Variants in NLGN1 observed in about 807,000 individuals in gnomAD.
NLGN1 encodes neuroligin 1, also known as neuroligin-1.
Under a neutral mutation model 65.5 loss-of-function variants are expected in NLGN1, and 12 were observed. The observed-to-expected ratio is 0.18, with a 90% CI of 0.12 to 0.30. The LOEUF (loss-of-function observed/expected upper bound fraction) is 0.30. Among genes scored for constraint, NLGN1 ranks in the 10% least tolerant of loss-of-function variants. The pLI is 1.00. For synonymous variants in NLGN1, 350 were observed against 359.5 expected (o/e 0.97, Z 0.30); for missense variants, 750 against 1,007.1 (o/e 0.74, Z 3.46).
intron 3 of NLGN1, among the ~76,000 whole-genome samples, chr3:173,774,877 T>C (rs1780076548): frequency 1.3e-5 from 2 of 152,042 alleles, no homozygotes; most frequent in South Asian, 4.2e-4. Flanking sequence ...CAGTTTAACA[T>C]AGAGTGTTTT....
At chr3:173,486,634 G>C (rs2148990330) in intron 2 of NLGN1, among the ~76,000 whole-genome samples, 1 of 152,210 alleles carries the variant, frequency 6.6e-6, no homozygotes, top group South Asian at 2.1e-4. Flanking sequence ...CACCTCTTAG[G>C]ACAGGCATTA....
At chr3:173,976,348 A>G (rs1203213968) in intron 4 of NLGN1, among the ~76,000 whole-genome samples, 40 of 152,194 alleles carry the variant, frequency 2.6e-4, no homozygotes, top group Non-Finnish European at 7.4e-5. Flanking sequence ...ACAACAATGA[A>G]TGTACTATGG....
rs200552646 is a variant in NLGN1 at position 174,088,524 on chromosome 3, AG to A, written c.647-186789del. ...GTAATCCCAGCACTTTGGGAGGCTG[AG>A]GCAGGCGGATCACGAGGTCGGGAGA... On this transcript the variant is annotated intron_variant, in intron 4 of 6. Coordinates refer to ENST00000457714, the Ensembl canonical transcript of NLGN1. 1.2e-3 allele frequency among the ~76,000 whole-genome samples: 188 copies of A among 152,228 alleles called. 6 individuals are homozygous for A. In the East Asian group the frequency reaches 0.035, roughly 28 times the overall value.
intron 3 of NLGN1, among the ~76,000 whole-genome samples, chr3:173,691,767 A>G (rs549751735): frequency 6.6e-6 from 1 of 152,190 alleles, no homozygotes; most frequent in South Asian, 2.1e-4. Context: ...TCTAAATGTT[A>G]CTGAACAGCT....
intron 2 of NLGN1, among the ~76,000 whole-genome samples, chr3:173,445,246 C>A (rs570868111): frequency 1.7e-5 from 2 of 119,562 alleles, no homozygotes; most frequent in South Asian, 2.7e-4. Context: ...CCAGCCTGGG[C>A]GACAGAGCGA....
At chr3:174,089,302 TG>T (rs1576811615) in intron 4 of NLGN1, among the ~76,000 whole-genome samples, 1 of 152,204 alleles carries the variant, frequency 6.6e-6, no homozygotes, top group East Asian at 1.9e-4. Context: ...ATATTTTCTC[TG>T]GAAACTTATC....
At chr3:173,662,284 G>A (rs1398945386) in intron 3 of NLGN1, among the ~76,000 whole-genome samples, 2 of 151,922 alleles carry the variant, frequency 1.3e-5, no homozygotes, top group East Asian at 3.9e-4. Flanking sequence ...CAGTAATAAT[G>A]AACTGAGACT....
In NLGN1 at chr3:174,154,170, C is replaced by T. The variant is rs1724909408; in HGVS notation, c.647-121145C>T. On this transcript the variant is annotated intron_variant, in intron 4 of 6. Coordinates refer to ENST00000457714, the Ensembl canonical transcript of NLGN1. ...CATTCTTTAAGAATAGCATTTTTTT[C>T]TTCTCAAAGTTGACGTCAGCAGAAG... Among the ~76,000 whole-genome samples, 3 of 151,776 alleles carry T rather than the reference C, an allele frequency of 2.0e-5. No individual in the cohort carries two copies. The South Asian group carries it at 6.2e-4, about 31-fold the overall frequency.
intron 4 of NLGN1, among the ~76,000 whole-genome samples, chr3:174,120,008 T>G (rs550290018): frequency 1.4e-4 from 22 of 152,330 alleles, no homozygotes; most frequent in East Asian, 5.8e-4. Flanking sequence ...ACCACTGATA[T>G]AGATGCTTAA....
chr3:173,849,858 G>A (rs548762461), intron 4 of NLGN1, among the ~76,000 whole-genome samples: 17 of 152,094 alleles, frequency 1.1e-4, no homozygotes, highest in Non-Finnish European at 1.5e-4. Flanking sequence ...ATAGATAAAT[G>A]TGTTCTTTCA....
chr3:173,418,313 G>A (rs1347922614), intron 1 of NLGN1, among the ~76,000 whole-genome samples: 2 of 147,988 alleles, frequency 1.4e-5, no homozygotes, highest in Admixed American at 6.9e-5. Flanking sequence ...TCTTTTTTCT[G>A]TTAACTATGA....
chr3:173,617,922 T>A (rs1022876440), intron 3 of NLGN1, among the ~76,000 whole-genome samples: 7 of 152,164 alleles, frequency 4.6e-5, no homozygotes, highest in African/African-American at 1.2e-4. Context: ...CTTCTAATTA[T>A]TTTCTTTTTT....
intron 4 of NLGN1, among the ~76,000 whole-genome samples, chr3:174,036,462 G>A (rs1027909974): frequency 2.0e-5 from 3 of 151,998 alleles, no homozygotes; most frequent in Non-Finnish European, 4.4e-5. Flanking sequence ...TATTACACAT[G>A]AGAAACTTTA....
At chr3:173,634,644 A>AT (rs1374790043) in intron 3 of NLGN1, among the ~76,000 whole-genome samples, 2 of 152,194 alleles carry the variant, frequency 1.3e-5, no homozygotes, top group African/African-American at 4.8e-5. Flanking sequence ...TTGAAAATGT[A>AT]TTTTTAAATG....
At chr3:173,936,733 A>G (rs945361153) in intron 4 of NLGN1, among the ~76,000 whole-genome samples, 3 of 152,088 alleles carry the variant, frequency 2.0e-5, no homozygotes, top group African/African-American at 4.8e-5. Context: ...CTGTTACAAC[A>G]TTATAGCCGG....
intron 4 of NLGN1, among the ~76,000 whole-genome samples, chr3:174,011,981 G>T (rs1725650271): frequency 6.6e-6 from 1 of 152,092 alleles, no homozygotes; most frequent in Admixed American, 6.6e-5. Context: ...CTTTCAAATA[G>T]CAAATTTTGA....
rs749749824 is a variant in NLGN1, at chr3:173,747,801, C to CTTTTTTTTTTTTTTTTTTTT, written c.494-59868_494-59849dup. ...AATTTTCTTTCTTCTTCTTCTTGTT[C>CTTTTTTTTTTTTTTTTTTTT]TTTTTTTTTTTTTTTTTTTTTTTTT... On this transcript the variant is annotated intron_variant, in intron 3 of 6. Coordinates refer to ENST00000457714, the Ensembl canonical transcript of NLGN1. 8.2e-4 allele frequency among the ~76,000 whole-genome samples: 53 copies of CTTTTTTTTTTTTTTTTTTTT among 64,424 alleles called. 12 individuals carry two copies. The highest frequency in any genetic ancestry group is 2.0e-3 in the African/African-American group (32 of 16,098). The allele number at this position is 64,424 out of a possible 152,430, so 42.3% of individuals were successfully genotyped here. A position where few individuals can be genotyped will look rare whatever the true frequency, so the allele number is the denominator to read the frequency against.
At chr3:173,669,702 G>GT (rs1762207034) in intron 3 of NLGN1, among the ~76,000 whole-genome samples, 2 of 152,194 alleles carry the variant, frequency 1.3e-5, no homozygotes, top group East Asian at 1.9e-4. Flanking sequence ...TTACAATATT[G>GT]TTTTTTCTAA....
intron 4 of NLGN1, among the ~76,000 whole-genome samples, chr3:174,184,192 C>T (rs1430009630): frequency 6.6e-6 from 1 of 151,924 alleles, no homozygotes. Flanking sequence ...AAAAGACTGT[C>T]ATTTATACTG....
Sources: allele counts gnomAD v4.1 joint callset (sites outside exome capture counted in the v4.1 genomes callset), GRCh38; gene constraint gnomAD v4.1.1; transcripts MANE v1.5; gene names NCBI Gene and HGNC (gene_info 2026-07-23, HGNC 2026-07-21).